Variants in SLC11A1 observed in about 807,000 individuals in gnomAD.
The protein encoded by SLC11A1 is solute carrier family 11 member 1, also known as natural resistance-associated macrophage protein 1.
A neutral mutation model predicts 63.2 loss-of-function variants in SLC11A1; 59 were observed. The ratio of observed to expected loss-of-function variants is 0.93; its 90% CI spans 0.76 to 1.16. The LOEUF (loss-of-function observed/expected upper bound fraction) is 1.16. SLC11A1 is among the 50% of genes most tolerant of loss of function. The pLI is 0.00. For missense variants in SLC11A1, 688 were observed against 730.7 expected (o/e 0.94, Z 0.67); for synonymous variants, 305 against 307.8 (o/e 0.99, Z 0.09).
At position 218,396,343 on chromosome 2, in the gene SLC11A1, C is replaced by CG. The variant is rs1240047718; in HGVS notation, c.*1308_*1309insG. 6.6e-6 allele frequency: 1 copy of CG among 152,468 alleles called. No homozygotes were observed. The highest frequency in any genetic ancestry group is 1.5e-5 in the Non-Finnish European group (1 of 68,186). The allele number at this position is 152,468 out of a possible 1,614,324, so 9.4% of individuals were successfully genotyped here. On this transcript the variant is annotated 3_prime_UTR_variant, in exon 15 of 15. Transcript: ENST00000233202. Reference sequence around the variant, plus strand: ...TGTTTCTAGGCTCCCCCAAGTCCCTCCTCCAGCCTCGTCGGGTCCCTCAGA... The same window carrying CG: ...TGTTTCTAGGCTCCCCCAAGTCCCTCGCTCCAGCCTCGTCGGGTCCCTCAGA...
At chr2:218,392,182 T>C (rs1559123487) in intron 11 of SLC11A1, 1 of 339,542 alleles carries the variant, frequency 2.9e-6, no homozygotes, top group South Asian at 2.1e-5. Context: ...GCAATTCTCC[T>C]GCCTCAGCCT....
chr2:218,386,814 T>G (rs552393447), intron 5 of SLC11A1, 73 bp downstream of exon 5: 24 of 1,099,444 alleles, frequency 2.2e-5, no homozygotes, highest in Non-Finnish European at 3.3e-5. Flanking sequence ...CCCTAACCAG[T>G]CCCTCCCAGA....
At chr2:218,382,798 T>C (rs1695873165) in intron 1 of SLC11A1, among the ~76,000 whole-genome samples, 162 bp from the exon 2 acceptor site, 1 of 152,110 alleles carries the variant, frequency 6.6e-6, no homozygotes, top group African/African-American at 2.4e-5. Flanking sequence ...CCCACACATC[T>C]GGAATGTTTG....
At chr2:218,385,715 G>A in intron 4 of SLC11A1, 1 of 351,852 alleles carries the variant, frequency 2.8e-6, no homozygotes, top group East Asian at 7.7e-5. Context: ...TAGATGGAAA[G>A]ACTGAGGCTC....
chr2:218,391,160 C>T (rs1245613122), intron 9 of SLC11A1, 38 bp from the exon 10 acceptor site: 1 of 1,582,162 alleles, frequency 6.3e-7, no homozygotes, highest in Non-Finnish European at 8.7e-7. Flanking sequence ...GCTGAGCGTG[C>T]TCCTCACATC....
At chr2:218,390,375 C>T (rs1262403995) in intron 9 of SLC11A1, among the ~76,000 whole-genome samples, 1 of 152,080 alleles carries the variant, frequency 6.6e-6, no homozygotes, top group Non-Finnish European at 1.5e-5. Flanking sequence ...GTGGGGTCTG[C>T]ATTAGCCCAG....
chr2:218,387,985 C>A, intron 8 of SLC11A1, 30 bp downstream of exon 8: 1 of 1,561,000 alleles, frequency 6.4e-7, no homozygotes, highest in East Asian at 2.3e-5. Context: ...AAGGAGACCC[C>A]CTCACTCAGT....
At position 218,395,093 on chromosome 2, in the gene SLC11A1, T is replaced by G. The variant is rs1696687870; in HGVS notation, c.*58T>G. 6 of 1,255,176 alleles carry G rather than the reference T, an allele frequency of 4.8e-6. No homozygotes were observed. Among genetic ancestry groups the G allele is most frequent in the Non-Finnish European group, 6.4e-6 (6 of 937,128 alleles). 77.8% of individuals were successfully genotyped at this position (1,255,176 alleles called of 1,614,324 possible). A position where few individuals can be genotyped will look rare whatever the true frequency, so the allele number is the denominator to read the frequency against. On this transcript the variant is annotated 3_prime_UTR_variant, in exon 15 of 15. Coordinates refer to ENST00000233202, the MANE Select transcript of SLC11A1 (RefSeq NM_000578.4). Reference sequence around the variant, plus strand: ...TATGACGTGACTGGCCTGCTGGATGTGGAGGGGGCGCGTGCAGGCAGCAGG... The same window carrying G: ...TATGACGTGACTGGCCTGCTGGATGGGGAGGGGGCGCGTGCAGGCAGCAGG...
In SLC11A1 at chr2:218,389,613, C is replaced by T. The variant is rs1574771756; in HGVS notation, c.796-257C>T. On this transcript the variant is annotated intron_variant, in intron 8 of 14. Coordinates refer to ENST00000233202, the MANE Select transcript of SLC11A1 (RefSeq NM_000578.4). ...GGATGGAACAAGGTGAGTGAAGGAG[C>T]GTGTCAGGACCTGAGGTAGCCAGGG... is the stretch of plus-strand genomic sequence containing the variant. 2.0e-5 allele frequency among the ~76,000 whole-genome samples: 3 copies of T among 152,100 alleles called. No homozygotes were observed. In the East Asian group the frequency reaches 5.8e-4, roughly 29 times the overall value.
At chr2:218,394,033 G>A in intron 12 of SLC11A1, 87 bp from the exon 13 acceptor site, 2 of 1,343,766 alleles carry the variant, frequency 1.5e-6, no homozygotes, top group South Asian at 1.2e-5. Flanking sequence ...CCCACACAGA[G>A]GGTGTCAAGC....
Position 218,384,166 on chromosome 2 carries a change from T to C in SLC11A1, c.151-77T>C. On this transcript the variant is annotated intron_variant, in intron 2 of 14. Transcript: ENST00000233202. This position sits in a 1 kb window ranked among gnomAD's most constrained non-coding sequence, Gnocchi z 4.0. ...GCTGATGAGCCTGTTGGGGCTCCTCTAGGGGATGGCCAAGGCCAGCTGCCA... is the reference window on the plus strand; with the variant it reads ...GCTGATGAGCCTGTTGGGGCTCCTCCAGGGGATGGCCAAGGCCAGCTGCCA... The C allele has an allele frequency of 6.8e-7, 1 of 1,469,652 alleles. No individual in the cohort carries two copies. 91.0% of individuals were successfully genotyped at this position (1,469,652 alleles called of 1,614,324 possible).
chr2:218,390,596 A>G (rs974877950), intron 9 of SLC11A1, among the ~76,000 whole-genome samples: 4 of 152,150 alleles, frequency 2.6e-5, no homozygotes. Context: ...CAGGCCTCCA[A>G]GGACCTGGGC....
chr2:218,385,380 T>C (rs749307039), intron 4 of SLC11A1, 114 bp downstream of exon 4: 21 of 1,466,020 alleles, frequency 1.4e-5, no homozygotes, highest in Non-Finnish European at 1.8e-5. Flanking sequence ...CCCAAGTCTG[T>C]TTGTTTTTGT....
intron 11 of SLC11A1, 189 bp downstream of exon 11, chr2:218,391,684 G>C: frequency 4.3e-6 from 3 of 698,742 alleles, no homozygotes; most frequent in Non-Finnish European, 6.7e-6. Flanking sequence ...GAGTGCAGTG[G>C]CGCGATCTCG....
Position 218,394,100 on chromosome 2 carries a change from G to C in SLC11A1, c.1315-20G>C. 6.2e-7 allele frequency: 1 copy of C among 1,613,704 alleles called. No homozygotes were observed. Among genetic ancestry groups the C allele is most frequent in the Non-Finnish European group, 8.5e-7 (1 of 1,179,758 alleles). On this transcript the variant is annotated intron_variant, in intron 12 of 14. Coordinates refer to ENST00000233202, the MANE Select transcript of SLC11A1 (RefSeq NM_000578.4). ...TCTGAGGCAGAATTCCTCAGCCTAG[G>C]CTCCTGCTGCTCTCCCCAGCTCCCG...
At chr2:218,385,564 T>A in intron 4 of SLC11A1, 2 of 425,660 alleles carry the variant, frequency 4.7e-6, no homozygotes, top group Non-Finnish European at 9.3e-6. Flanking sequence ...CTAATTTTTG[T>A]ATTTTTAGTA....
At chr2:218,394,024 C>A in intron 12 of SLC11A1, 96 bp from the exon 13 acceptor site, 3 of 1,248,196 alleles carry the variant, frequency 2.4e-6, no homozygotes, top group Non-Finnish European at 3.4e-6. Flanking sequence ...GAGCTCACAC[C>A]CACACAGAGG....
In SLC11A1 at chr2:218,394,200, A is replaced by G; in HGVS notation, c.1388+7A>G. On this transcript the variant is annotated splice_region_variant and intron_variant, in intron 13 of 14. Transcript: ENST00000233202. The stretch of plus-strand genomic sequence containing the variant: ...AGGAGTTTGCCAATGGCCTGTGAGT[A>G]CCCCCTTTCCCAAGTGCTGGATTGC... 1 of 1,613,476 alleles carries G rather than the reference A, an allele frequency of 6.2e-7. No individual in the cohort carries two copies. The highest frequency in any genetic ancestry group is 8.5e-7 in the Non-Finnish European group (1 of 1,179,714).
At position 218,384,471 on chromosome 2, in the gene SLC11A1, G is replaced by C; in HGVS notation, c.273+106G>C. Reference sequence around the variant, plus strand: ...GTTTCTCCAATGTGGCCTGGGAGCTGGTGTTAAGTTCAAATGGGCCCGAAA... The same window carrying C: ...GTTTCTCCAATGTGGCCTGGGAGCTCGTGTTAAGTTCAAATGGGCCCGAAA... On this transcript the variant is annotated intron_variant, in intron 3 of 14. Coordinates refer to ENST00000233202, the MANE Select transcript of SLC11A1 (RefSeq NM_000578.4). This position sits in a 1 kb window ranked among gnomAD's most constrained non-coding sequence, Gnocchi z 4.0. 7.1e-7 allele frequency: 1 copy of C among 1,404,012 alleles called. No individual in the cohort carries two copies. Among genetic ancestry groups the C allele is most frequent in the East Asian group, 2.4e-5 (1 of 41,854 alleles). The allele number at this position is 1,404,012 out of a possible 1,614,324, so 87.0% of individuals were successfully genotyped here.
Sources: gnomAD v4.1 joint callset for allele counts (sites outside exome capture counted in the v4.1 genomes callset) on GRCh38, gnomAD v4.1.1 for gene constraint, Gnocchi (gnomAD v3.1) non-coding constraint, MANE v1.5 for transcripts, NCBI Gene and HGNC (gene_info 2026-07-23, HGNC 2026-07-21) for gene names.